CEP350: variants seen among roughly 807,000 people sequenced by gnomAD.
CEP350 encodes centrosomal protein 350, also known as centrosome-associated protein 350.
A neutral mutation model predicts 331.8 loss-of-function variants in CEP350; 126 were observed. The ratio of observed to expected loss-of-function variants is 0.38; its 90% CI spans 0.33 to 0.44. The LOEUF (loss-of-function observed/expected upper bound fraction) is 0.44. Among genes scored for constraint, CEP350 ranks in the 20% least tolerant of loss-of-function variants. The pLI, the probability that CEP350 is intolerant of heterozygous loss-of-function variation, is 1.00. For missense variants in CEP350, 3,406 were observed against 3,634.6 expected, an observed-to-expected ratio of 0.94 and a Z score of 1.62; for synonymous variants, 1,200 against 1,259.5, an observed-to-expected ratio of 0.95 and a Z score of 1.00.
rs192385003 is a variant in CEP350 at position 179,992,229 on chromosome 1, T to C, written c.395+8T>C. 4.5e-3 allele frequency: 6,591 copies of C among 1,467,686 alleles called. 299 individuals carry two copies. In the Admixed American group the frequency reaches 0.078, roughly 17 times the overall value. 90.9% of individuals were successfully genotyped at this position (1,467,686 alleles called of 1,614,324 possible). On this transcript the variant is annotated splice_region_variant and intron_variant, in intron 5 of 37. Coordinates refer to ENST00000367607, the MANE Select transcript of CEP350 (RefSeq NM_014810.5). ...ACCTTTGGTTTCTTATAGGTTAGTA[T>C]TGAGAAAAAAAAAAGGTATCAAATA...
intron 4 of CEP350, among the ~76,000 whole-genome samples, chr1:179,991,309 C>G (rs1015204442): frequency 1.7e-5 from 2 of 117,132 alleles, no homozygotes; most frequent in Non-Finnish European, 1.8e-5. Context: ...TGGTTTCTTT[C>G]TTTTCTTTTT....
At chr1:180,055,904 A>G (rs1360640322) in intron 25 of CEP350, among the ~76,000 whole-genome samples, 2 of 152,138 alleles carry the variant, frequency 1.3e-5, no homozygotes, top group African/African-American at 2.4e-5. Context: ...TGGTTTTAAA[A>G]TAAATTAAAA....
intron 28 of CEP350, among the ~76,000 whole-genome samples, chr1:180,078,173 G>T (rs2149075504): frequency 6.6e-6 from 1 of 151,668 alleles, no homozygotes; most frequent in South Asian, 2.1e-4. Context: ...GGACCAAAAA[G>T]CAAAGACACT....
chr1:179,989,088 G>A (rs1652857243), intron 3 of CEP350, among the ~76,000 whole-genome samples: 1 of 152,022 alleles, frequency 6.6e-6, no homozygotes, highest in Non-Finnish European at 1.5e-5. Flanking sequence ...ATAAGTAGGG[G>A]AGACAATCTG....
At chr1:180,004,877 TGC>T (rs1558092854) in intron 7 of CEP350, among the ~76,000 whole-genome samples, 1,235 of 72,906 alleles carry the variant, frequency 0.017, 17 homozygotes, top group South Asian at 0.084. Context: ...CTGGCTGGCT[TGC>T]TTGCTTGCTT....
chr1:180,059,121 T>C (rs1658044580), intron 25 of CEP350, among the ~76,000 whole-genome samples: 1 of 152,220 alleles, frequency 6.6e-6, no homozygotes, highest in African/African-American at 2.4e-5. Context: ...GTTGTCTCTT[T>C]TTTCTTCTAG....
chr1:179,955,267 T>G (rs1650082545), intron 1 of CEP350, 125 bp downstream of exon 1: 1 of 986,782 alleles, frequency 1.0e-6, no homozygotes, highest in Non-Finnish European at 1.2e-6. Flanking sequence ...GTCTTGGCCC[T>G]GCTTGGCGTC....
At position 180,036,911 on chromosome 1, in the gene CEP350, T is replaced by G; in HGVS notation, c.3947-15T>G. The G allele has an allele frequency of 6.6e-7, 1 of 1,510,342 alleles. No homozygotes were observed. The highest frequency in any genetic ancestry group is 8.9e-7 in the Non-Finnish European group (1 of 1,128,942). 93.6% of individuals were successfully genotyped at this position (1,510,342 alleles called of 1,614,324 possible). ...CATGTTAACTTTTCCATTTGACCAT[T>G]GTCATGCCTTCCAGGTTCTAAGCGC... is the stretch of plus-strand genomic sequence containing the variant. On this transcript the variant is annotated splice_polypyrimidine_tract_variant and intron_variant, in intron 16 of 37. Coordinates refer to ENST00000367607, the MANE Select transcript of CEP350 (RefSeq NM_014810.5).
Position 179,986,216 on chromosome 1 carries a change from C to T in CEP350, c.35C>T (p.Pro12Leu). 1 of 1,551,148 alleles carries T rather than the reference C, an allele frequency of 6.4e-7. No individual in the cohort carries two copies. Among genetic ancestry groups the T allele is most frequent in the Non-Finnish European group, 8.7e-7 (1 of 1,146,758 alleles). ...AGCAAATCAAAAGAGGTGCCTTTAC[C>T]AAATCCAAGGAACTCTCAAAGCAAG... ...RSSKSKEVPL[P>L]NPRNSQSKDT... is the part of the protein sequence containing the mutation. Residue 12 changes from proline (P) to leucine (L), a missense_variant, in exon 2 of 38, where the codon CCA becomes CTA. Transcript: ENST00000367607.
chr1:180,062,627 G>T lies in CEP350; in HGVS notation c.5409+261G>T, dbSNP rs187380208. ...GTTCAAGGTCAAGGTGCCACATCTG[G>T]TGAGGGCCTTCTTGCTGGTAGGGAC... is the stretch of plus-strand genomic sequence containing the variant. On this transcript the variant is annotated intron_variant, in intron 26 of 37. Coordinates refer to ENST00000367607, the MANE Select transcript of CEP350 (RefSeq NM_014810.5). Among the ~76,000 whole-genome samples the T allele has an allele frequency of 3.4e-4, 52 of 152,284 alleles. No individual in the cohort carries two copies. In the East Asian group the frequency reaches 3.7e-3, roughly 11 times the overall value.
intron 28 of CEP350, 79 bp from the exon 29 acceptor site, chr1:180,078,384 A>T: frequency 9.4e-7 from 1 of 1,063,670 alleles, no homozygotes. Context: ...TAATATGCTA[A>T]AAACAATGTT....
chr1:180,039,518 C>A (rs939120066), intron 17 of CEP350, among the ~76,000 whole-genome samples: 6 of 152,044 alleles, frequency 3.9e-5, no homozygotes, highest in African/African-American at 1.4e-4. Context: ...TGTTCCAGCA[C>A]CATTTTATTA....
intron 13 of CEP350, among the ~76,000 whole-genome samples, chr1:180,024,199 G>T (rs1655516396): frequency 6.6e-6 from 1 of 151,800 alleles, no homozygotes; most frequent in Non-Finnish European, 1.5e-5. Flanking sequence ...CTAAATATTA[G>T]TTTTTATTGG....
rs773491237 is a variant in CEP350 at position 180,095,594 on chromosome 1, G to A, written c.8583G>A (p.Arg2861=). Residue 2861 remains arginine (R), a synonymous_variant, in exon 35 of 38, where the codon CGG becomes CGA. Transcript: ENST00000367607. ...GACTTGCTGAACTTGAACTCAGCCGGGAGTTCCTGAGCGCGTTAGGAGATG... is the reference window on the plus strand; with the variant it reads ...GACTTGCTGAACTTGAACTCAGCCGAGAGTTCCTGAGCGCGTTAGGAGATG... ...AKRLAELELS[R]EFLSALGDDQ... 6.2e-7 allele frequency: 1 copy of A among 1,613,890 alleles called. No individual in the cohort carries two copies. Among genetic ancestry groups the A allele is most frequent in the Non-Finnish European group, 8.5e-7 (1 of 1,179,872 alleles).
rs1654688787 is a variant in CEP350, at chr1:180,011,967, G to A, written c.1285G>A (p.Gly429Arg). ...TATAAGTACATCTTCTTGGCGAGAT[G>A]GACAAAAATTAGTAAAGAAGATTCT... Reference protein sequence around the residue: ...HLISTSSWRDGQKLVKKILGP... With the variant: ...HLISTSSWRDRQKLVKKILGP... Residue 429 changes from glycine (G) to arginine (R), a missense_variant, in exon 9 of 38, where the codon GGA becomes AGA. Gly to Arg is a moderately radical substitution (Grantham distance 125). Around this residue, in one of 5 missense-constraint regions of CEP350, gnomAD observed 1,857 missense variants for 1,909.2 expected, o/e 0.97. Transcript: ENST00000367607. 3 of 1,602,008 alleles carry A rather than the reference G, an allele frequency of 1.9e-6. No homozygotes were observed. Among genetic ancestry groups the A allele is most frequent in the Non-Finnish European group, 2.6e-6 (3 of 1,173,382 alleles).
intron 14 of CEP350, among the ~76,000 whole-genome samples, chr1:180,028,897 A>G (rs1223245209): frequency 6.6e-6 from 1 of 152,198 alleles, no homozygotes; most frequent in Non-Finnish European, 1.5e-5. Flanking sequence ...AACAGATAAG[A>G]TGAAGTATAG....
Position 180,006,545 on chromosome 1 carries a change from A to G in CEP350, c.1224A>G (p.Leu408=), listed in dbSNP as rs962582607. 25 of 1,538,050 alleles carry G rather than the reference A, an allele frequency of 1.6e-5. No individual in the cohort carries two copies. Among genetic ancestry groups the G allele is most frequent in the Non-Finnish European group, 2.0e-5 (23 of 1,132,618 alleles). The change falls in exon 8 of 38, where the codon TTA becomes TTG. Residue 408 remains leucine, a synonymous_variant. Coordinates refer to ENST00000367607, the MANE Select transcript of CEP350 (RefSeq NM_014810.5). ...GAAAAGTCCAAAAAGTAGCACAGTTATCAAGTACAGAATGCAGAACAGGTT... is the reference window on the plus strand; with the variant it reads ...GAAAAGTCCAAAAAGTAGCACAGTTGTCAAGTACAGAATGCAGAACAGGTT... ...PVRKVQKVAQ[L]SSTECRTGSS... is the part of the protein sequence containing the mutation.
intron 33 of CEP350, among the ~76,000 whole-genome samples, 167 bp downstream of exon 33, chr1:180,090,963 A>C (rs1660159621): frequency 1.3e-5 from 2 of 151,954 alleles, no homozygotes; most frequent in African/African-American, 4.8e-5. Context: ...TTTATTGGCT[A>C]TGTGTAAATT....
chr1:180,032,960 A>T (rs1656116994), intron 15 of CEP350, among the ~76,000 whole-genome samples: 1 of 152,176 alleles, frequency 6.6e-6, no homozygotes, highest in Non-Finnish European at 1.5e-5. Context: ...AAATAAACAC[A>T]TGAGTGCCTC....
Sources: gnomAD v4.1 joint callset for allele counts (sites outside exome capture counted in the v4.1 genomes callset) on GRCh38, gnomAD v4.1.1 for gene constraint, gnomAD v4.1.1 regional missense constraint, MANE v1.5 for transcripts, NCBI Gene and HGNC (gene_info 2026-07-23, HGNC 2026-07-21) for gene names.